The following EPHX2 variants were observed in gnomAD, a reference collection of about 807,000 sequenced individuals.
EPHX2 encodes bifunctional epoxide hydrolase 2.
A neutral mutation model predicts 78.7 loss-of-function variants in EPHX2; 74 were observed. The ratio of observed to expected loss-of-function variants is 0.94; its 90% CI spans 0.78 to 1.14. EPHX2 has a LOEUF of 1.14. Ranked by LOEUF, EPHX2 falls within the 50% of genes most tolerant of loss-of-function variation. The probability of loss-of-function intolerance (pLI) is 0.00; values close to 1 mark genes in which losing one functional copy is unlikely to be tolerated. For missense variants in EPHX2, 715 were observed against 702.5 expected (o/e 1.02, Z -0.20); for synonymous variants, 251 against 255.2 (o/e 0.98, Z 0.16).
At chr8:27,501,092 A>G (rs1368331381) in intron 2 of EPHX2, 82 bp downstream of exon 2, 7 of 1,249,838 alleles carry the variant, frequency 5.6e-6, no homozygotes, top group African/African-American at 3.0e-5. Flanking sequence ...GGGGCCCACC[A>G]TAATAGAAAA....
intron 16 of EPHX2, among the ~76,000 whole-genome samples, chr8:27,542,381 C>T (rs376242497): frequency 6.6e-6 from 1 of 152,206 alleles, no homozygotes; most frequent in Non-Finnish European, 1.5e-5. Flanking sequence ...ACTGTGGCTT[C>T]TTCTGCAATA....
chr8:27,503,526 A>G (rs1472659856), intron 2 of EPHX2, 78 bp from the exon 3 acceptor site: 49 of 1,451,602 alleles, frequency 3.4e-5, no homozygotes, highest in African/African-American at 4.3e-5. Context: ...CAGGGAATGT[A>G]TATGTTTAGA....
In EPHX2 at chr8:27,544,772, T is replaced by G; in HGVS notation, c.*250T>G. 1.9e-6 allele frequency: 1 copy of G among 535,774 alleles called. No homozygotes were observed. The highest frequency in any genetic ancestry group is 3.2e-5 in the Admixed American group (1 of 30,988). 33.2% of individuals were successfully genotyped at this position (535,774 alleles called of 1,614,324 possible). A position where few individuals can be genotyped will look rare whatever the true frequency, so the allele number is the denominator to read the frequency against. On this transcript the variant is annotated 3_prime_UTR_variant, in exon 19 of 19. Transcript: ENST00000521400. ...ATCGTCCCTTTATCTGTAAGAACCC[T>G]TAGTGTCCTGTAGGGGGACAGAATG...
At chr8:27,507,365 G>C (rs1585193263) in intron 5 of EPHX2, among the ~76,000 whole-genome samples, 1 of 152,166 alleles carries the variant, frequency 6.6e-6, no homozygotes, top group East Asian at 1.9e-4. Flanking sequence ...CTGGCACTCA[G>C]GTGCAGCCCT....
chr8:27,534,241 A>G (rs547555139), intron 12 of EPHX2, among the ~76,000 whole-genome samples: 2 of 152,230 alleles, frequency 1.3e-5, no homozygotes, highest in African/African-American at 4.8e-5. Context: ...CATAGCTTTC[A>G]TCAGAAAATC....
chr8:27,515,801 T>C lies in EPHX2; in HGVS notation c.819T>C (p.Ser273=). The C allele has an allele frequency of 6.2e-7, 1 of 1,613,994 alleles. No individual in the cohort carries two copies. The highest frequency in any genetic ancestry group is 8.5e-7 in the Non-Finnish European group (1 of 1,179,982). ...ATGGATTTCCCGAGAGTTGGTATTC[T>C]TGGAGGTACCAGGTGAGAAAGCTGG... ...LCHGFPESWY[S]WRYQIPALAQ... The change falls in exon 7 of 19, where the codon TCT becomes TCC. Residue 273 remains serine, a synonymous_variant. Transcript: ENST00000521400.
At chr8:27,501,499 G>C (rs2132717420) in intron 2 of EPHX2, among the ~76,000 whole-genome samples, 2 of 151,878 alleles carry the variant, frequency 1.3e-5, no homozygotes, top group Admixed American at 1.3e-4. Context: ...TACCTCCTGG[G>C]CTCAGATGAT....
At chr8:27,505,218 A>G in intron 4 of EPHX2, 72 bp downstream of exon 4, 1 of 1,505,168 alleles carries the variant, frequency 6.6e-7, no homozygotes, top group East Asian at 2.4e-5. Flanking sequence ...CTGAGGAGTG[A>G]GCAGGTGGGA....
At chr8:27,532,199 C>G (rs1015927728) in intron 12 of EPHX2, among the ~76,000 whole-genome samples, 2 of 152,044 alleles carry the variant, frequency 1.3e-5, no homozygotes, top group African/African-American at 2.4e-5. Flanking sequence ...GCCCCTTTCC[C>G]TCCTCACCCT....
At chr8:27,541,877 G>A (rs1815415714) in intron 16 of EPHX2, among the ~76,000 whole-genome samples, 1 of 152,092 alleles carries the variant, frequency 6.6e-6, no homozygotes, top group South Asian at 2.1e-4. Context: ...GAAGTGACAT[G>A]GATACTGGAG....
At chr8:27,544,307 A>G in intron 18 of EPHX2, 63 bp downstream of exon 18, 1 of 1,606,106 alleles carries the variant, frequency 6.2e-7, no homozygotes, top group Non-Finnish European at 8.5e-7. Context: ...CTTCCATAAA[A>G]GCTTTCCTGG....
At position 27,522,517 on chromosome 8, in the gene EPHX2, G is replaced by A. The variant is rs1384790982; in HGVS notation, c.1058+9G>A. The A allele has an allele frequency of 2.5e-6, 4 of 1,613,320 alleles. No individual in the cohort carries two copies. The highest frequency in any genetic ancestry group is 3.4e-6 in the Non-Finnish European group (4 of 1,179,550). On this transcript the variant is annotated intron_variant, in intron 11 of 18. Coordinates refer to ENST00000521400, the MANE Select transcript of EPHX2 (RefSeq NM_001979.6). ...TACCCCGAGAGAGTGAGGTAATTGG[G>A]CCTCGGGCAATAAAGATTTGGAGGA...
intron 15 of EPHX2, 51 bp from the exon 16 acceptor site, chr8:27,541,422 A>C: frequency 6.3e-7 from 1 of 1,585,772 alleles, no homozygotes; most frequent in South Asian, 1.1e-5. Flanking sequence ...TGTCTGTAGC[A>C]GAGCCGTCTA....
Position 27,506,987 on chromosome 8 carries a change from G to C in EPHX2, c.653G>C (p.Gly218Ala). ...CTGAAAGAACTGGAGAAAGTGACCG[G>C]AATCCAGGTAACTTGACTTCTGAGC... ...TALKELEKVT[G>A]IQLLNTPAPL... The change falls in exon 5 of 19, where the codon GGA becomes GCA. Residue 218 changes from glycine (G) to alanine (A), a missense_variant. By Grantham distance (60) the Gly-to-Ala change is moderately conservative. Coordinates refer to ENST00000521400, the MANE Select transcript of EPHX2 (RefSeq NM_001979.6). The C allele has an allele frequency of 6.2e-7, 1 of 1,613,812 alleles. No homozygotes were observed.
At chr8:27,543,540 C>A (rs886670613) in intron 16 of EPHX2, among the ~76,000 whole-genome samples, 1 of 152,172 alleles carries the variant, frequency 6.6e-6, no homozygotes, top group African/African-American at 2.4e-5. Flanking sequence ...CACTCACACA[C>A]ATCTGCACAC....
downstream of EPHX2, among the ~76,000 whole-genome samples, chr8:27,547,820 TTC>T (rs1159060415): frequency 6.6e-6 from 1 of 152,208 alleles, no homozygotes; most frequent in Non-Finnish European, 1.5e-5. Flanking sequence ...CACTTTCTGT[TTC>T]TGGCTTATTT....
At chr8:27,536,685 G>A in intron 12 of EPHX2, 99 bp from the exon 13 acceptor site, 1 of 1,220,160 alleles carries the variant, frequency 8.2e-7, no homozygotes, top group Non-Finnish European at 1.2e-6. Flanking sequence ...GCTGGATGGG[G>A]CACAGGTAGG....
chr8:27,544,672 A>C lies in EPHX2; in HGVS notation c.*150A>C. On this transcript the variant is annotated 3_prime_UTR_variant, in exon 19 of 19. Coordinates refer to ENST00000521400, the MANE Select transcript of EPHX2 (RefSeq NM_001979.6). ...TGCAGAAAAAAAAGATTTTCTTTAC[A>C]TAAAGTGAATCAAATTTGACATTAT... The C allele has an allele frequency of 1.4e-6, 1 of 727,590 alleles. No individual in the cohort carries two copies. 45.1% of individuals were successfully genotyped at this position (727,590 alleles called of 1,614,324 possible).
At chr8:27,507,062 C>T (rs1814037651) in intron 5 of EPHX2, 68 bp downstream of exon 5, 1 of 1,576,708 alleles carries the variant, frequency 6.3e-7, no homozygotes, top group Non-Finnish European at 8.6e-7. Flanking sequence ...AGGAGAAAAC[C>T]ACGAGCAGAG....
Sources: gnomAD v4.1 joint callset for allele counts (sites outside exome capture counted in the v4.1 genomes callset) on GRCh38, gnomAD v4.1.1 for gene constraint, MANE v1.5 for transcripts, NCBI Gene and HGNC (gene_info 2026-07-23, HGNC 2026-07-21) for gene names.